The following PPP3R1 variants were observed in gnomAD, a reference collection of about 807,000 sequenced individuals.
PPP3R1 encodes protein phosphatase 3 regulatory subunit B, alpha.
In PPP3R1, 5 loss-of-function variants were observed where a neutral mutation model predicts 22.6. The ratio of observed to expected loss-of-function variants is 0.22; its 90% CI spans 0.12 to 0.46. The LOEUF (loss-of-function observed/expected upper bound fraction) is 0.46, where lower values mean the gene tolerates loss of function less well. Among genes scored for constraint, PPP3R1 ranks in the 20% least tolerant of loss-of-function variants. The pLI is 0.99. For missense variants in PPP3R1, 61 were observed against 203.2 expected, an observed-to-expected ratio of 0.30 and a Z score of 4.25; for synonymous variants, 56 against 65.2, an observed-to-expected ratio of 0.86 and a Z score of 0.68.
rs1391171928 is a variant in PPP3R1 at position 68,178,871 on chromosome 2, TTTA to T, written c.*2089_*2091del. On this transcript the variant is annotated 3_prime_UTR_variant, in exon 6 of 6. Coordinates refer to ENST00000234310, the MANE Select transcript of PPP3R1 (RefSeq NM_000945.4). ...ATACATTCAAGCAAGTTTCAAATAT[TTTA>T]TTTTCTTATTCATACAGTATGAAGT... is the stretch of plus-strand genomic sequence containing the variant. 6.6e-6 allele frequency: 1 copy of T among 152,392 alleles called. No homozygotes were observed. Among genetic ancestry groups the T allele is most frequent in the Non-Finnish European group, 1.5e-5 (1 of 68,014 alleles). 9.4% of individuals were successfully genotyped at this position (152,392 alleles called of 1,614,324 possible). A position where few individuals can be genotyped will look rare whatever the true frequency, so the allele number is the denominator to read the frequency against.
chr2:68,240,104 G>T (rs1309416911), intron 1 of PPP3R1, among the ~76,000 whole-genome samples: 1 of 152,122 alleles, frequency 6.6e-6, no homozygotes. Context: ...ACTTACAATG[G>T]GTTTATCGGG....
chr2:68,226,131 C>T (rs1159317548), intron 1 of PPP3R1, among the ~76,000 whole-genome samples: 5 of 152,118 alleles, frequency 3.3e-5, no homozygotes, highest in African/African-American at 1.2e-4. Context: ...AAAAAACAAA[C>T]TACAGTAACT....
chr2:68,200,427 T>C (rs1674951436), intron 2 of PPP3R1, among the ~76,000 whole-genome samples: 1 of 152,216 alleles, frequency 6.6e-6, no homozygotes, highest in South Asian at 2.1e-4. Context: ...AAGCTGAACA[T>C]TTATAACAAT....
At chr2:68,198,756 T>TA (rs1052971322) in intron 2 of PPP3R1, among the ~76,000 whole-genome samples, 2 of 152,216 alleles carry the variant, frequency 1.3e-5, no homozygotes, top group Non-Finnish European at 2.9e-5. Context: ...GAGGAAGCTA[T>TA]AGATAAGTCT....
chr2:68,216,750 A>T (rs554934187), intron 2 of PPP3R1, among the ~76,000 whole-genome samples: 17 of 152,322 alleles, frequency 1.1e-4, no homozygotes, highest in African/African-American at 4.1e-4. Flanking sequence ...TGGATCACTG[A>T]GTCACCAAAG....
intron 2 of PPP3R1, among the ~76,000 whole-genome samples, chr2:68,189,760 T>A (rs1296293730): frequency 2.6e-5 from 4 of 151,928 alleles, no homozygotes; most frequent in African/African-American, 9.7e-5. Context: ...TCCCAGATAC[T>A]CAGGAGGCTG....
chr2:68,212,015 A>G (rs1030389286), intron 2 of PPP3R1, among the ~76,000 whole-genome samples: 1 of 152,214 alleles, frequency 6.6e-6, no homozygotes, highest in Non-Finnish European at 1.5e-5. Flanking sequence ...TTATACTGAT[A>G]TTTTGACTTC....
chr2:68,208,917 T>TA (rs1192259673), intron 2 of PPP3R1, among the ~76,000 whole-genome samples: 5 of 73,454 alleles, frequency 6.8e-5, no homozygotes, highest in African/African-American at 1.1e-4. Flanking sequence ...AGCAAGACTC[T>TA]AAAAAAAAAA....
intron 2 of PPP3R1, among the ~76,000 whole-genome samples, chr2:68,201,406 TTTC>T (rs1316705342): frequency 2.0e-5 from 3 of 152,014 alleles, no homozygotes; most frequent in African/African-American, 2.4e-5. Context: ...CATCCCCCAG[TTTC>T]TTTTTTTTCT....
At chr2:68,196,720 T>A (rs1674783126) in intron 2 of PPP3R1, among the ~76,000 whole-genome samples, 2 of 152,160 alleles carry the variant, frequency 1.3e-5, no homozygotes, top group Admixed American at 6.5e-5. Context: ...TATCACATTT[T>A]AATAAAAATG....
intron 3 of PPP3R1, 22 bp downstream of exon 3, chr2:68,188,492 T>C (rs760084506): frequency 3.9e-6 from 6 of 1,551,636 alleles, no homozygotes; most frequent in South Asian, 2.4e-5. Flanking sequence ...CTTGTGGTTA[T>C]AAAAAATAAC....
At chr2:68,196,196 G>T (rs923573452) in intron 2 of PPP3R1, among the ~76,000 whole-genome samples, 10 of 152,150 alleles carry the variant, frequency 6.6e-5, no homozygotes, top group African/African-American at 2.4e-4. Flanking sequence ...ATCAACAGAA[G>T]TTACTGAGAA....
chr2:68,208,864 A>C (rs970075714), intron 2 of PPP3R1, among the ~76,000 whole-genome samples: 1 of 151,762 alleles, frequency 6.6e-6, no homozygotes, highest in Non-Finnish European at 1.5e-5. Context: ...TGGAGGCTGC[A>C]GTGAGCCGAG....
At chr2:68,232,233 G>A (rs866077639) in intron 1 of PPP3R1, among the ~76,000 whole-genome samples, 163 of 33,696 alleles carry the variant, frequency 4.8e-3, no homozygotes, top group African/African-American at 0.033. Flanking sequence ...ATGTGTGTGT[G>A]TGTGTGTGTG....
Position 68,179,303 on chromosome 2 carries a change from C to T in PPP3R1, c.*1660G>A, listed in dbSNP as rs1674354209. On this transcript the variant is annotated 3_prime_UTR_variant, in exon 6 of 6. Transcript: ENST00000234310. ...TGGAGATTTTCAGTCTGAACATTAA[C>T]ATTTCCAAAGTTTGGCAACATTATC... is the stretch of plus-strand genomic sequence containing the variant. 6.6e-6 allele frequency: 1 copy of T among 152,592 alleles called. No individual in the cohort carries two copies. Among genetic ancestry groups the T allele is most frequent in the African/African-American group, 2.4e-5 (1 of 41,436 alleles). 9.5% of individuals were successfully genotyped at this position (152,592 alleles called of 1,614,324 possible).
intron 2 of PPP3R1, among the ~76,000 whole-genome samples, chr2:68,206,424 C>T (rs1675126388): frequency 6.6e-6 from 1 of 152,152 alleles, no homozygotes; most frequent in Non-Finnish European, 1.5e-5. Flanking sequence ...GAGGCCAACA[C>T]TTAAATCATC....
At chr2:68,251,541 CGCA>C (rs906159449) in intron 1 of PPP3R1, among the ~76,000 whole-genome samples, 1 of 152,178 alleles carries the variant, frequency 6.6e-6, no homozygotes, top group Admixed American at 6.5e-5. Flanking sequence ...GGCTGCGCAC[CGCA>C]GCTAAACCGA....
intron 1 of PPP3R1, among the ~76,000 whole-genome samples, chr2:68,225,093 T>C (rs1181255800): frequency 6.6e-6 from 1 of 152,238 alleles, no homozygotes; most frequent in African/African-American, 2.4e-5. Flanking sequence ...GTGAACAGAA[T>C]TCTTAGGTAG....
chr2:68,195,550 A>G (rs943077545), intron 2 of PPP3R1, among the ~76,000 whole-genome samples: 7 of 152,092 alleles, frequency 4.6e-5, no homozygotes, highest in Non-Finnish European at 1.0e-4. Context: ...GACTGTGCAA[A>G]TACTCTTTTC....
Sources: allele counts gnomAD v4.1 joint callset (sites outside exome capture counted in the v4.1 genomes callset), GRCh38; gene constraint gnomAD v4.1.1; transcripts MANE v1.5; gene names NCBI Gene and HGNC (gene_info 2026-07-23, HGNC 2026-07-21).